The following ELMO1 variants were observed in gnomAD, a reference collection of about 807,000 sequenced individuals.
The protein encoded by ELMO1 is engulfment and cell motility protein 1.
In ELMO1, 26 loss-of-function variants were observed where a neutral mutation model predicts 98.9. The ratio of observed to expected loss-of-function variants is 0.26; its 90% confidence interval spans 0.19 to 0.36. The LOEUF (loss-of-function observed/expected upper bound fraction) is 0.36, where lower values mean the gene tolerates loss of function less well. Ranked by LOEUF, ELMO1 falls within the 10% of genes least tolerant of loss-of-function variation. ELMO1 has a pLI of 1.00. For synonymous variants in ELMO1, 346 were observed against 346.0 expected, an observed-to-expected ratio of 1.00 and a Z score of 0.00; for missense variants, 627 against 935.2, an observed-to-expected ratio of 0.67 and a Z score of 4.30.
chr7:36,887,483 A>AC (rs1705869018), intron 18 of ELMO1, 77 bp downstream of exon 18: 1 of 1,376,222 alleles, frequency 7.3e-7, no homozygotes, highest in Non-Finnish European at 1.0e-6. Flanking sequence ...GTAAACCAAC[A>AC]CCATGCCCTT....
At chr7:37,323,174 C>T (rs772125701) in intron 2 of ELMO1, among the ~76,000 whole-genome samples, 6 of 152,148 alleles carry the variant, frequency 3.9e-5, no homozygotes, top group Admixed American at 1.3e-4. Context: ...GCAAAAATAT[C>T]GTTATTTGTT....
chr7:37,257,205 C>T (rs1032267066), intron 6 of ELMO1, among the ~76,000 whole-genome samples: 2 of 152,144 alleles, frequency 1.3e-5, no homozygotes, highest in African/African-American at 4.8e-5. Flanking sequence ...GCAAGCTCCC[C>T]GGCAGGAAGG....
intron 13 of ELMO1, 99 bp from the exon 14 acceptor site, chr7:37,133,333 G>A (rs1787052343): frequency 1.2e-6 from 1 of 828,872 alleles, no homozygotes; most frequent in Non-Finnish European, 1.9e-6. Flanking sequence ...GTGCTACAAG[G>A]TAAGGTCCAA....
chr7:37,341,245 C>T (rs1476348747), intron 2 of ELMO1, among the ~76,000 whole-genome samples: 2 of 152,216 alleles, frequency 1.3e-5, no homozygotes, highest in African/African-American at 2.4e-5. Flanking sequence ...CCTCTCTACA[C>T]GTGTGTGAGA....
chr7:37,121,486 T>A (rs1786034894), intron 14 of ELMO1, among the ~76,000 whole-genome samples: 1 of 152,166 alleles, frequency 6.6e-6, no homozygotes, highest in African/African-American at 2.4e-5. Context: ...ATGCACAAGC[T>A]TCAGTAGCCA....
At chr7:36,879,364 A>AC (rs1402342942) in intron 18 of ELMO1, among the ~76,000 whole-genome samples, 2 of 152,240 alleles carry the variant, frequency 1.3e-5, no homozygotes, top group African/African-American at 2.4e-5. Context: ...GCCCCTTTGC[A>AC]CCACTGTGCG....
intron 4 of ELMO1, among the ~76,000 whole-genome samples, chr7:37,283,685 G>A (rs1797252999): frequency 6.6e-6 from 1 of 152,232 alleles, no homozygotes; most frequent in Non-Finnish European, 1.5e-5. Flanking sequence ...ATTCCATGGG[G>A]AAGGCCTCAA....
intron 16 of ELMO1, among the ~76,000 whole-genome samples, chr7:36,918,648 G>A (rs371851501): frequency 6.6e-6 from 1 of 152,194 alleles, no homozygotes; most frequent in Admixed American, 6.5e-5. Flanking sequence ...TGTGCTGGAG[G>A]GTCTGTCTGT....
chr7:37,289,344 G>A (rs1797560036), intron 4 of ELMO1, among the ~76,000 whole-genome samples: 1 of 151,938 alleles, frequency 6.6e-6, no homozygotes, highest in South Asian at 2.1e-4. Flanking sequence ...CCTACTATGG[G>A]CACACTTATT....
At chr7:37,373,671 A>G (rs1204697830) in intron 1 of ELMO1, among the ~76,000 whole-genome samples, 1 of 152,174 alleles carries the variant, frequency 6.6e-6, no homozygotes, top group Non-Finnish European at 1.5e-5. Context: ...TAATTTTAGC[A>G]GTGCTTTTAT....
intron 15 of ELMO1, among the ~76,000 whole-genome samples, chr7:37,084,382 C>T (rs1396361901): frequency 6.6e-6 from 1 of 152,186 alleles, no homozygotes; most frequent in Non-Finnish European, 1.5e-5. Context: ...TTATTAAATG[C>T]AGACTACATG....
intron 4 of ELMO1, among the ~76,000 whole-genome samples, chr7:37,311,602 T>C (rs914928326): frequency 2.0e-5 from 3 of 152,156 alleles, no homozygotes; most frequent in Non-Finnish European, 2.9e-5. Context: ...AGCAGCAAAC[T>C]GAAGGCAGCC....
At chr7:37,031,991 GATC>G (rs1308267865) in intron 15 of ELMO1, among the ~76,000 whole-genome samples, 2 of 152,158 alleles carry the variant, frequency 1.3e-5, no homozygotes, top group African/African-American at 4.8e-5. Context: ...GTGTAGGACT[GATC>G]ATCATATTGC....
chr7:37,026,821 C>T (rs901726047), intron 15 of ELMO1, among the ~76,000 whole-genome samples: 5 of 152,148 alleles, frequency 3.3e-5, no homozygotes, highest in South Asian at 2.1e-4. Flanking sequence ...TGGATTCCCA[C>T]GCCTGATTAG....
At chr7:37,151,940 C>A (rs1161533846) in intron 13 of ELMO1, among the ~76,000 whole-genome samples, 1 of 152,142 alleles carries the variant, frequency 6.6e-6, no homozygotes, top group East Asian at 1.9e-4. Flanking sequence ...CACCTGCCAA[C>A]AGAGCAACTG....
At chr7:36,966,172 A>G (rs779839007) in intron 16 of ELMO1, among the ~76,000 whole-genome samples, 1 of 152,174 alleles carries the variant, frequency 6.6e-6, no homozygotes, top group Non-Finnish European at 1.5e-5. Context: ...CAAGTCTTAC[A>G]TTATCTTGCC....
At chr7:37,292,001 G>A (rs1340359082) in intron 4 of ELMO1, among the ~76,000 whole-genome samples, 1 of 123,630 alleles carries the variant, frequency 8.1e-6, no homozygotes, top group African/African-American at 2.8e-5. Context: ...ATGCCGAGCC[G>A]AAGCTGGACG....
At chr7:37,152,922 G>T (rs985836226) in intron 13 of ELMO1, among the ~76,000 whole-genome samples, 8 of 152,144 alleles carry the variant, frequency 5.3e-5, no homozygotes, top group African/African-American at 1.9e-4. Flanking sequence ...CCAAACAAAT[G>T]GTAGTTATCT....
At position 36,968,699 on chromosome 7, in the gene ELMO1, C is replaced by T. The variant is rs145645563; in HGVS notation, c.1437+44600G>A. ...TATTTCTATTAAATAATTGCCTTAA[C>T]AGAAATAGTTCTTAGATTCATTTAT... is the stretch of plus-strand genomic sequence containing the variant. On this transcript the variant is annotated intron_variant, in intron 16 of 21. Coordinates refer to ENST00000310758, the MANE Select transcript of ELMO1 (RefSeq NM_014800.11). Among the ~76,000 whole-genome samples, 674 of 152,222 alleles carry T rather than the reference C, an allele frequency of 4.4e-3. 11 individuals are homozygous for T. Among genetic ancestry groups the T allele is most frequent in the African/African-American group, 0.015 (618 of 41,518 alleles).
Sources: allele counts gnomAD v4.1 joint callset (sites outside exome capture counted in the v4.1 genomes callset), GRCh38; gene constraint gnomAD v4.1.1; transcripts MANE v1.5; gene names NCBI Gene and HGNC (gene_info 2026-07-23, HGNC 2026-07-21).